FBXL7: variants seen among roughly 807,000 people sequenced by gnomAD.
The protein encoded by FBXL7 is F-box and leucine rich repeat protein 7.
In FBXL7, 12 loss-of-function variants were observed where a neutral mutation model predicts 38.3. The ratio of observed to expected loss-of-function variants is 0.31; its 90% confidence interval spans 0.20 to 0.51. The LOEUF (loss-of-function observed/expected upper bound fraction) is 0.51, where lower values mean the gene tolerates loss of function less well. FBXL7 is among the 20% of genes least tolerant of loss of function. The pLI is 0.98. For synonymous variants in FBXL7, 297 were observed against 300.9 expected, an observed-to-expected ratio of 0.99 and a Z score of 0.13; for missense variants, 567 against 676.4, an observed-to-expected ratio of 0.84 and a Z score of 1.79.
chr5:15,618,354 G>T (rs924858862), intron 2 of FBXL7, among the ~76,000 whole-genome samples: 1 of 152,014 alleles, frequency 6.6e-6, no homozygotes, highest in African/African-American at 2.4e-5. Context: ...TTGCATAACT[G>T]AAAAAATTAA....
intron 1 of FBXL7, among the ~76,000 whole-genome samples, chr5:15,528,235 C>T (rs540392190): frequency 8.5e-5 from 13 of 152,218 alleles, no homozygotes; most frequent in African/African-American, 3.1e-4. Flanking sequence ...TCCTATGGAC[C>T]CAGGAGTTTC....
At chr5:15,888,563 G>A (rs951189585) in intron 2 of FBXL7, among the ~76,000 whole-genome samples, 8 of 151,992 alleles carry the variant, frequency 5.3e-5, no homozygotes, top group Admixed American at 5.2e-4. Context: ...AGAAGCCACC[G>A]AGCTTTTTCC....
chr5:15,771,982 G>C (rs1427884802), intron 2 of FBXL7, among the ~76,000 whole-genome samples: 3 of 151,858 alleles, frequency 2.0e-5, no homozygotes. Flanking sequence ...TGTTAATCAG[G>C]CTGGTCTGGA....
chr5:15,761,756 G>C (rs965573372), intron 2 of FBXL7, among the ~76,000 whole-genome samples: 2 of 152,090 alleles, frequency 1.3e-5, no homozygotes, highest in African/African-American at 2.4e-5. Flanking sequence ...TTTTGCCCAG[G>C]CTGGGTCTCA....
intron 2 of FBXL7, among the ~76,000 whole-genome samples, chr5:15,682,144 C>T (rs1027325876): frequency 6.6e-6 from 1 of 152,188 alleles, no homozygotes; most frequent in African/African-American, 2.4e-5. Context: ...GAGCTCTGCT[C>T]CATTGTGTCA....
At chr5:15,601,952 T>C (rs3762978) in intron 1 of FBXL7, among the ~76,000 whole-genome samples, 142,646 of 152,124 alleles carry the variant, frequency 0.94, 67,390 homozygotes, top group Non-Finnish European at 0.99. Flanking sequence ...AGGGTGACCC[T>C]TGATCTAATA....
chr5:15,537,876 T>C (rs1737632594), intron 1 of FBXL7, among the ~76,000 whole-genome samples: 2 of 152,218 alleles, frequency 1.3e-5, no homozygotes, highest in Admixed American at 6.5e-5. Flanking sequence ...GGTGGTATCA[T>C]TGGATCTTTG....
intron 2 of FBXL7, among the ~76,000 whole-genome samples, chr5:15,770,897 C>T (rs770294683): frequency 1.3e-5 from 2 of 152,026 alleles, no homozygotes; most frequent in Non-Finnish European, 2.9e-5. Context: ...GAGGCAGGCA[C>T]GATGTTAGAT....
chr5:15,717,833 G>A (rs1744085391), intron 2 of FBXL7, among the ~76,000 whole-genome samples: 1 of 152,088 alleles, frequency 6.6e-6, no homozygotes, highest in Non-Finnish European at 1.5e-5. Context: ...CGGGGAAATG[G>A]TCTAGAATAA....
At chr5:15,679,993 A>G (rs1742792497) in intron 2 of FBXL7, among the ~76,000 whole-genome samples, 1 of 152,240 alleles carries the variant, frequency 6.6e-6, no homozygotes, top group African/African-American at 2.4e-5. Context: ...TTGCTGGAGC[A>G]AAAGGTTAGA....
At chr5:15,565,576 C>G (rs563105088) in intron 1 of FBXL7, among the ~76,000 whole-genome samples, 1 of 151,476 alleles carries the variant, frequency 6.6e-6, no homozygotes, top group East Asian at 1.9e-4. Context: ...CAACTTCTTA[C>G]AATAAATCTT....
intron 2 of FBXL7, among the ~76,000 whole-genome samples, chr5:15,763,764 CAG>C (rs1554019931): frequency 6.6e-6 from 1 of 152,056 alleles, no homozygotes; most frequent in Non-Finnish European, 1.5e-5. Flanking sequence ...CTGTTTTGGG[CAG>C]AGTTATCCAG....
chr5:15,549,190 T>G (rs1737996091), intron 1 of FBXL7, among the ~76,000 whole-genome samples: 1 of 152,342 alleles, frequency 6.6e-6, no homozygotes, highest in African/African-American at 2.4e-5. Flanking sequence ...CTAAACAAGC[T>G]AATACATGAG....
intron 1 of FBXL7, among the ~76,000 whole-genome samples, chr5:15,508,968 G>A (rs1031433485): frequency 5.3e-5 from 8 of 152,088 alleles, no homozygotes; most frequent in East Asian, 3.9e-4. Flanking sequence ...CAGCGTTATC[G>A]TTACTTTTAT....
At chr5:15,851,850 A>ACACACACACACACG (rs113175311) in intron 2 of FBXL7, among the ~76,000 whole-genome samples, 3 of 142,258 alleles carry the variant, frequency 2.1e-5, no homozygotes, top group African/African-American at 7.8e-5. Context: ...ACACACACAC[A>ACACACACACACACG]AAGTTCCTTG....
At position 15,868,870 on chromosome 5, in the gene FBXL7, C is replaced by T. The variant is rs73752342; in HGVS notation, c.128-59020C>T. ...CTCTTCCCTACTTCATTTTTTTCCC[C>T]GTAGTACTTGCCACTAGAGTAATTG... is the stretch of plus-strand genomic sequence containing the variant. On this transcript the variant is annotated intron_variant, in intron 2 of 3. Coordinates refer to ENST00000504595, the MANE Select transcript of FBXL7 (RefSeq NM_012304.5). Among the ~76,000 whole-genome samples, 856 of 152,186 alleles carry T rather than the reference C, an allele frequency of 5.6e-3. 13 individuals are homozygous for T. The highest frequency in any genetic ancestry group is 0.019 in the African/African-American group (808 of 41,524).
intron 2 of FBXL7, among the ~76,000 whole-genome samples, chr5:15,921,807 CGT>C (rs1404019797): frequency 6.6e-6 from 1 of 152,126 alleles, no homozygotes; most frequent in Non-Finnish European, 1.5e-5. Flanking sequence ...TCACCTCACA[CGT>C]GTTAGGAGAT....
intron 2 of FBXL7, among the ~76,000 whole-genome samples, chr5:15,766,917 G>A (rs574224929): frequency 2.0e-5 from 3 of 152,290 alleles, no homozygotes; most frequent in Admixed American, 2.0e-4. Flanking sequence ...TTTACTCTAA[G>A]CAGCCTTGGT....
intron 1 of FBXL7, among the ~76,000 whole-genome samples, chr5:15,515,900 C>G (rs1218425186): frequency 2.0e-5 from 3 of 152,080 alleles, no homozygotes; most frequent in Non-Finnish European, 4.4e-5. Context: ...ACTATAAGCT[C>G]AGAATCACTA....
Sources: allele counts gnomAD v4.1 joint callset (sites outside exome capture counted in the v4.1 genomes callset), GRCh38; gene constraint gnomAD v4.1.1; transcripts MANE v1.5; gene names NCBI Gene and HGNC (gene_info 2026-07-23, HGNC 2026-07-21).